MORN2: variants seen among roughly 807,000 people sequenced by gnomAD.
MORN2 encodes the protein MORN repeat containing 2.
In MORN2, 15 loss-of-function variants were observed where a neutral mutation model predicts 13.4. The ratio of observed to expected loss-of-function variants is 1.12; its 90% CI spans 0.75 to 1.72. MORN2 has a LOEUF of 1.72. Among genes scored for constraint, MORN2 ranks in the 40% most tolerant of loss-of-function variants. The pLI is 0.00. For synonymous variants in MORN2, 46 were observed against 43.6 expected (o/e 1.06, Z -0.22); for missense variants, 168 against 134.6 (o/e 1.25, Z -1.23).
intron 4 of MORN2, among the ~76,000 whole-genome samples, chr2:38,882,103 C>T (rs956179009): frequency 6.6e-6 from 1 of 151,934 alleles, no homozygotes; most frequent in African/African-American, 2.4e-5. Context: ...GCTAGATAAC[C>T]GATATAAACT....
At chr2:38,877,293 A>T (rs868479739) in intron 1 of MORN2, among the ~76,000 whole-genome samples, 116 of 150,688 alleles carry the variant, frequency 7.7e-4, no homozygotes, top group African/African-American at 2.4e-3. Flanking sequence ...TAAATAAATT[A>T]AATTAAATTA....
chr2:38,878,029 C>G (rs756802210), intron 1 of MORN2, among the ~76,000 whole-genome samples: 1 of 152,146 alleles, frequency 6.6e-6, no homozygotes, highest in African/African-American at 2.4e-5. Flanking sequence ...CTCCTAGGCT[C>G]AAGCAACCCA....
intron 1 of MORN2, 47 bp from the exon 2 acceptor site, chr2:38,880,132 G>GA: frequency 2.5e-6 from 1 of 396,300 alleles, no homozygotes; most frequent in Non-Finnish European, 4.5e-6. Context: ...TGCCTCTATC[G>GA]AAAAAAAAGT....
chr2:38,879,342 C>T (rs1665724933), intron 1 of MORN2, among the ~76,000 whole-genome samples: 1 of 152,070 alleles, frequency 6.6e-6, no homozygotes, highest in Non-Finnish European at 1.5e-5. Context: ...GTGTTTATAG[C>T]AGTATTATTC....
chr2:38,880,787 A>G lies in MORN2; in HGVS notation c.216+81A>G, dbSNP rs531223504. 4 of 1,461,758 alleles carry G rather than the reference A, an allele frequency of 2.7e-6. No homozygotes were observed. In the African/African-American group the frequency reaches 5.7e-5, roughly 21 times the overall value. The allele number at this position is 1,461,758 out of a possible 1,614,324, so 90.5% of individuals were successfully genotyped here. On this transcript the variant is annotated intron_variant, in intron 3 of 4. Transcript: ENST00000644631. ...ATTCCAGGCATTTCACCATTAATCAAAAACTCCTATAATGAGTAGACTATA... is the reference window on the plus strand; with the variant it reads ...ATTCCAGGCATTTCACCATTAATCAGAAACTCCTATAATGAGTAGACTATA...
At chr2:38,880,358 C>T (rs1455058744) in intron 2 of MORN2, 129 bp downstream of exon 2, 2 of 398,878 alleles carry the variant, frequency 5.0e-6, no homozygotes, top group Non-Finnish European at 8.8e-6. Context: ...TAACAGAAAT[C>T]CTAATAGATA....
At position 38,882,378 on chromosome 2, in the gene MORN2, T is replaced by C. The variant is rs773595660; in HGVS notation, c.354-35T>C. On this transcript the variant is annotated intron_variant, in intron 4 of 4. Transcript: ENST00000644631. Reference sequence around the variant, plus strand: ...ATATCTGGACTGTAAATTATTCATCTTTGTTAATGGAAAACTTATTTTCTA... The same window carrying C: ...ATATCTGGACTGTAAATTATTCATCCTTGTTAATGGAAAACTTATTTTCTA... 5.8e-6 allele frequency: 8 copies of C among 1,369,314 alleles called. No homozygotes were observed. The South Asian group carries it at 7.6e-5, about 13-fold the overall frequency. The allele number at this position is 1,369,314 out of a possible 1,614,324, so 84.8% of individuals were successfully genotyped here. A position where few individuals can be genotyped will look rare whatever the true frequency, so the allele number is the denominator to read the frequency against.
Position 38,875,984 on chromosome 2 carries a change from C to T in MORN2, c.-69C>T, listed in dbSNP as rs1472024295. 3 of 398,708 alleles carry T rather than the reference C, an allele frequency of 7.5e-6. No individual in the cohort carries two copies. Among genetic ancestry groups the T allele is most frequent in the Admixed American group, 8.8e-5 (2 of 22,738 alleles). The allele number at this position is 398,708 out of a possible 1,614,324, so 24.7% of individuals were successfully genotyped here. A position where few individuals can be genotyped will look rare whatever the true frequency, so the allele number is the denominator to read the frequency against. ...CGTATTCGCTTCCGGGTGAGAGGTG[C>T]CCGGTCGCCCCAGCAACCAAGTCGC... On this transcript the variant is annotated 5_prime_UTR_variant, in exon 1 of 5. Coordinates refer to ENST00000644631, the MANE Select transcript of MORN2 (RefSeq NM_001145450.3).
At chr2:38,880,325 G>A (rs992916664) in intron 2 of MORN2, 96 bp downstream of exon 2, 2 of 399,324 alleles carry the variant, frequency 5.0e-6, no homozygotes, top group Non-Finnish European at 8.8e-6. Flanking sequence ...CTACTATTAG[G>A]ATATTAACTT....
chr2:38,877,578 C>G (rs928121945), intron 1 of MORN2, among the ~76,000 whole-genome samples: 4 of 152,038 alleles, frequency 2.6e-5, no homozygotes, highest in Non-Finnish European at 5.9e-5. Context: ...AGATTGCTCT[C>G]TATCCTCCAC....
At chr2:38,881,166 C>T (rs1164897444) in intron 3 of MORN2, among the ~76,000 whole-genome samples, 1 of 152,172 alleles carries the variant, frequency 6.6e-6, no homozygotes, top group South Asian at 2.1e-4. Context: ...ATTTCTGATA[C>T]ATTCAGGGTA....
At chr2:38,876,541 C>G (rs1665630602) in intron 1 of MORN2, among the ~76,000 whole-genome samples, 1 of 152,226 alleles carries the variant, frequency 6.6e-6, no homozygotes, top group Non-Finnish European at 1.5e-5. Flanking sequence ...ACTATTAGTA[C>G]TAAACACGGA....
rs545560792 is a variant in MORN2, at chr2:38,880,701, G to A, written c.211G>A (p.Asp71Asn). The A allele has an allele frequency of 4.5e-6, 7 of 1,550,014 alleles. No homozygotes were observed. The African/African-American group carries it at 8.2e-5, about 18-fold the overall frequency. The change falls in exon 3 of 5, where the codon GAC becomes AAC. Residue 71 changes from aspartate to asparagine, a missense_variant. Coordinates refer to ENST00000644631, the MANE Select transcript of MORN2 (RefSeq NM_001145450.3). ...TGTCTACACAGGAAGCTGGAAAGATGACAAGGTATTATTGTTGTTTTTAAT... is the reference window on the plus strand; with the variant it reads ...TGTCTACACAGGAAGCTGGAAAGATAACAAGGTATTATTGTTGTTTTTAAT...
chr2:38,876,238 C>T, intron 1 of MORN2, 128 bp downstream of exon 1: 1 of 396,802 alleles, frequency 2.5e-6, no homozygotes, highest in Non-Finnish European at 4.4e-6. Context: ...GACCGTCTAG[C>T]CGAGGGGCAC....
At chr2:38,877,083 A>G (rs1167377942) in intron 1 of MORN2, among the ~76,000 whole-genome samples, 1 of 152,158 alleles carries the variant, frequency 6.6e-6, no homozygotes, top group East Asian at 1.9e-4. Flanking sequence ...AACTACAAGC[A>G]GATCTGGTAA....
At chr2:38,879,456 A>G (rs13033394) in intron 1 of MORN2, among the ~76,000 whole-genome samples, 2,516 of 152,348 alleles carry the variant, frequency 0.017, 22 homozygotes, top group Non-Finnish European at 0.028. Flanking sequence ...ATACTTGGCT[A>G]TAAAAAGGAA....
At chr2:38,880,974 C>T (rs1665760592) in intron 3 of MORN2, among the ~76,000 whole-genome samples, 1 of 152,164 alleles carries the variant, frequency 6.6e-6, no homozygotes, top group Admixed American at 6.5e-5. Flanking sequence ...ATAATAACCT[C>T]ATGAGATAGG....
Position 38,876,017 on chromosome 2 carries a change from G to A in MORN2, c.-36G>A. The stretch of plus-strand genomic sequence containing the variant: ...CCCCAGCAACCAAGTCGCACCTGGA[G>A]CTGTCCTAGCGCCTAGTTCTCTCCC... On this transcript the variant is annotated 5_prime_UTR_variant, in exon 1 of 5. Coordinates refer to ENST00000644631, the MANE Select transcript of MORN2 (RefSeq NM_001145450.3). 1 of 398,920 alleles carries A rather than the reference G, an allele frequency of 2.5e-6. No individual in the cohort carries two copies. The allele number at this position is 398,920 out of a possible 1,614,324, so 24.7% of individuals were successfully genotyped here. A position where few individuals can be genotyped will look rare whatever the true frequency, so the allele number is the denominator to read the frequency against.
chr2:38,876,309 C>A, intron 1 of MORN2, 199 bp downstream of exon 1: 1 of 392,150 alleles, frequency 2.6e-6, no homozygotes, highest in Non-Finnish European at 4.5e-6. Flanking sequence ...TGTTGAGACA[C>A]CCGAGGCGCG....
Sources: allele counts gnomAD v4.1 joint callset (sites outside exome capture counted in the v4.1 genomes callset), GRCh38; gene constraint gnomAD v4.1.1; transcripts MANE v1.5; gene names NCBI Gene and HGNC (gene_info 2026-07-23, HGNC 2026-07-21).